DCAF1: variants seen among roughly 807,000 people sequenced by gnomAD.
The protein encoded by DCAF1 is DDB1- and CUL4-associated factor 1.
Under a neutral mutation model 128.0 loss-of-function variants are expected in DCAF1, and 15 were observed. The ratio of observed to expected loss-of-function variants is 0.12; its 90% confidence interval spans 0.08 to 0.18. DCAF1 has a LOEUF of 0.18. Among genes scored for constraint, DCAF1 ranks in the 10% least tolerant of loss-of-function variants. DCAF1 has a pLI of 1.00. For synonymous variants in DCAF1, 610 were observed against 603.0 expected (o/e 1.01, Z -0.17); for missense variants, 988 against 1,649.5 (o/e 0.60, Z 6.95).
intron 4 of DCAF1, among the ~76,000 whole-genome samples, chr3:51,470,404 A>T (rs2108202245): frequency 6.6e-6 from 1 of 152,232 alleles, no homozygotes; most frequent in South Asian, 2.1e-4. Flanking sequence ...CTACAAAAAA[A>T]TAAAAACTAA....
Position 51,471,416 on chromosome 3 carries a change from C to T in DCAF1, c.111-411G>A, listed in dbSNP as rs1704733438. On this transcript the variant is annotated intron_variant, in intron 3 of 24. Coordinates refer to ENST00000684031, the MANE Select transcript of DCAF1 (RefSeq NM_001387579.1). ...GCCAGGATGGTCTCGATCTCCTGAC[C>T]TCGTGATCCACCCGCCTCAGCCTCC... 3.3e-5 allele frequency among the ~76,000 whole-genome samples: 5 copies of T among 151,812 alleles called. No homozygotes were observed. The South Asian group carries it at 1.0e-3, about 32-fold the overall frequency.
rs150734378 is a variant in DCAF1 at position 51,410,187 on chromosome 3, G to T, written c.4212+2192C>A. Among the ~76,000 whole-genome samples the T allele has an allele frequency of 9.8e-3, 1,486 of 152,248 alleles. 28 individuals carry two copies. The highest frequency in any genetic ancestry group is 0.034 in the African/African-American group (1,408 of 41,528). Reference sequence around the variant, plus strand: ...TATCCTTTACCAGGCCCTGAGGAAGGCTCTGCTCTGATCCCACCATGGCCA... The same window carrying T: ...TATCCTTTACCAGGCCCTGAGGAAGTCTCTGCTCTGATCCCACCATGGCCA... On this transcript the variant is annotated intron_variant, in intron 23 of 24. Transcript: ENST00000684031.
chr3:51,465,193 G>A (rs1391089416), intron 5 of DCAF1, among the ~76,000 whole-genome samples: 1 of 152,138 alleles, frequency 6.6e-6, no homozygotes, highest in Non-Finnish European at 1.5e-5. Context: ...TAAGGTGAAG[G>A]GAGTAATAAC....
intron 2 of DCAF1, among the ~76,000 whole-genome samples, chr3:51,489,325 C>A (rs1241175570): frequency 1.3e-5 from 2 of 151,736 alleles, no homozygotes; most frequent in Non-Finnish European, 2.9e-5. Flanking sequence ...CCCAGGTATT[C>A]AGTAGGCTGA....
chr3:51,453,475 T>C (rs1702560970), intron 6 of DCAF1, among the ~76,000 whole-genome samples: 1 of 150,666 alleles, frequency 6.6e-6, no homozygotes, highest in Non-Finnish European at 1.5e-5. Context: ...AAAAAAATTT[T>C]TAAAAAATTA....
At chr3:51,407,158 C>CAAAAA (rs1477512198) in intron 23 of DCAF1, among the ~76,000 whole-genome samples, 5 of 89,590 alleles carry the variant, frequency 5.6e-5, no homozygotes, top group South Asian at 3.6e-4. Context: ...GACTCCATCT[C>CAAAAA]AAAAAAAAAA....
At chr3:51,488,293 A>G (rs1486654120) in intron 2 of DCAF1, among the ~76,000 whole-genome samples, 1 of 152,238 alleles carries the variant, frequency 6.6e-6, no homozygotes, top group African/African-American at 2.4e-5. Flanking sequence ...TAAAGATATC[A>G]CAAGAAAAGA....
At chr3:51,453,329 CTATA>C (rs1702543878) in intron 6 of DCAF1, among the ~76,000 whole-genome samples, 1 of 152,026 alleles carries the variant, frequency 6.6e-6, no homozygotes, top group Non-Finnish European at 1.5e-5. Context: ...ATACACTTAA[CTATA>C]ATAAGACTTC....
intron 2 of DCAF1, among the ~76,000 whole-genome samples, chr3:51,492,769 C>T (rs544780349): frequency 9.3e-4 from 142 of 151,890 alleles, no homozygotes; most frequent in African/African-American, 3.1e-3. Context: ...CCGAGGCAGG[C>T]GGATCGCGAG....
At position 51,403,311 on chromosome 3, in the gene DCAF1, G is replaced by C; in HGVS notation, c.4297C>G (p.Leu1433Val). 6.3e-7 allele frequency: 1 copy of C among 1,578,016 alleles called. No homozygotes were observed. Among genetic ancestry groups the C allele is most frequent in the Non-Finnish European group, 8.6e-7 (1 of 1,161,782 alleles). ...TCGTCCTCCTCCAACTCCGCCTCCA[G>C]CAACTGGTCAGTGTCAAGCTCATCT... ...DLDELDTDQL[L>V]EAELEEDDNN... Residue 1433 changes from leucine to valine, a missense_variant, in exon 24 of 25, where the codon CTG becomes GTG. Leu to Val is a conservative substitution (Grantham distance 32). Coordinates refer to ENST00000684031, the MANE Select transcript of DCAF1 (RefSeq NM_001387579.1).
In DCAF1 at chr3:51,418,880, A is replaced by G. The variant is rs112888125; in HGVS notation, c.3237-4T>C. 1,210 of 1,601,016 alleles carry G rather than the reference A, an allele frequency of 7.6e-4. No homozygotes were observed. The highest frequency in any genetic ancestry group is 4.6e-3 in the Middle Eastern group (28 of 6,042). On this transcript the variant is annotated splice_region_variant and splice_polypyrimidine_tract_variant and intron_variant, in intron 15 of 24. Coordinates refer to ENST00000684031, the MANE Select transcript of DCAF1 (RefSeq NM_001387579.1). Reference sequence around the variant, plus strand: ...GAACACTGAAATAGGACGGAATCTAAGCAAAAAAAAGAGAGAATCACAGGC... The same window carrying G: ...GAACACTGAAATAGGACGGAATCTAGGCAAAAAAAAGAGAGAATCACAGGC...
chr3:51,442,656 G>T (rs1442387182), intron 7 of DCAF1, among the ~76,000 whole-genome samples: 1 of 151,854 alleles, frequency 6.6e-6, no homozygotes, highest in Non-Finnish European at 1.5e-5. Flanking sequence ...CCGAGATCGC[G>T]TCATTGCACT....
Position 51,441,411 on chromosome 3 carries a change from A to T in DCAF1, c.1000T>A (p.Leu334Met). ...TCCTGATATTCTCCTAGAGGGGTCA[A>T]ATATTGGAGAATGAGTCGCTGCTCG... ...AIEQRLILQY[L>M]TPLGEYQELL... Residue 334 changes from leucine to methionine, a missense_variant, in exon 8 of 25, where the codon TTG becomes ATG. This residue lies in a region of DCAF1 where 19 missense variants were observed against 61.4 expected (regional missense o/e 0.31). Transcript: ENST00000684031. 1 of 1,613,560 alleles carries T rather than the reference A, an allele frequency of 6.2e-7. No homozygotes were observed.
chr3:51,432,267 T>TAAAAAAAAAA (rs879192648), intron 10 of DCAF1, among the ~76,000 whole-genome samples: 2 of 99,030 alleles, frequency 2.0e-5, no homozygotes, highest in Admixed American at 1.2e-4. Context: ...CAAGATTCTG[T>TAAAAAAAAAA]AAAAAAAAAA....
At chr3:51,410,412 G>A (rs1698293314) in intron 23 of DCAF1, among the ~76,000 whole-genome samples, 2 of 152,204 alleles carry the variant, frequency 1.3e-5, no homozygotes, top group South Asian at 2.1e-4. Flanking sequence ...GGTATACTGT[G>A]TCATCTTTGA....
chr3:51,455,625 G>A (rs148402760), intron 6 of DCAF1, among the ~76,000 whole-genome samples: 50 of 151,698 alleles, frequency 3.3e-4, no homozygotes, highest in African/African-American at 6.5e-4. Context: ...AAGGCTGGGC[G>A]CGGTGGCTCA....
intron 2 of DCAF1, among the ~76,000 whole-genome samples, chr3:51,488,377 C>T (rs1361469302): frequency 6.6e-6 from 1 of 152,010 alleles, no homozygotes; most frequent in African/African-American, 2.4e-5. Flanking sequence ...CAGAATCCAA[C>T]AGCATATTAA....
intron 6 of DCAF1, among the ~76,000 whole-genome samples, chr3:51,451,105 T>TTTA (rs71084143): frequency 7.8e-6 from 1 of 128,886 alleles, no homozygotes; most frequent in Non-Finnish European, 1.6e-5. Context: ...TTTTTTTTTT[T>TTTA]AGTGACAAGG....
intron 23 of DCAF1, among the ~76,000 whole-genome samples, chr3:51,409,336 C>A (rs782307172): frequency 3.3e-5 from 5 of 152,104 alleles, no homozygotes; most frequent in Non-Finnish European, 5.9e-5. Context: ...AAGAATAAGG[C>A]GAACCCAGAG....
Sources: gnomAD v4.1 joint callset for allele counts (sites outside exome capture counted in the v4.1 genomes callset) on GRCh38, gnomAD v4.1.1 for gene constraint, gnomAD v4.1.1 regional missense constraint, MANE v1.5 for transcripts, NCBI Gene and HGNC (gene_info 2026-07-23, HGNC 2026-07-21) for gene names.